The following RPS6KA5 variants were observed in gnomAD, a reference collection of about 807,000 sequenced individuals.
RPS6KA5 encodes ribosomal protein S6 kinase alpha-5.
A neutral mutation model predicts 85.5 loss-of-function variants in RPS6KA5; 27 were observed. That is an observed-to-expected ratio of 0.32 (90% CI 0.23 to 0.44). The LOEUF (loss-of-function observed/expected upper bound fraction) is 0.44, where lower values mean the gene tolerates loss of function less well. Ranked by LOEUF, RPS6KA5 falls within the 20% of genes least tolerant of loss-of-function variation. The probability of loss-of-function intolerance (pLI) is 1.00; values close to 1 mark genes in which losing one functional copy is unlikely to be tolerated. For synonymous variants in RPS6KA5, 334 were observed against 348.2 expected, an observed-to-expected ratio of 0.96 and a Z score of 0.46; for missense variants, 811 against 980.9, an observed-to-expected ratio of 0.83 and a Z score of 2.31.
At chr14:90,972,694 G>C (rs1022574866) in intron 3 of RPS6KA5, among the ~76,000 whole-genome samples, 2 of 152,100 alleles carry the variant, frequency 1.3e-5, no homozygotes, top group African/African-American at 4.8e-5. Context: ...GAGTAGAGGA[G>C]GTCTTCTGAC....
At position 90,950,584 on chromosome 14, in the gene RPS6KA5, C is replaced by T. The variant is rs190432140; in HGVS notation, c.395-3034G>A. On this transcript the variant is annotated intron_variant, in intron 3 of 16. Coordinates refer to ENST00000614987, the MANE Select transcript of RPS6KA5 (RefSeq NM_004755.4). Reference sequence around the variant, plus strand: ...TCACATCCATTCCTACTTTGTTGAGCGTTATTATGAAGGAGTTGAATTTTG... The same window carrying T: ...TCACATCCATTCCTACTTTGTTGAGTGTTATTATGAAGGAGTTGAATTTTG... Among the ~76,000 whole-genome samples, 6 of 152,204 alleles carry T rather than the reference C, an allele frequency of 3.9e-5. No individual in the cohort carries two copies. The East Asian group carries it at 9.7e-4, about 24-fold the overall frequency.
chr14:90,930,915 C>A (rs755932702), intron 5 of RPS6KA5, among the ~76,000 whole-genome samples: 11 of 152,284 alleles, frequency 7.2e-5, no homozygotes, highest in Middle Eastern at 3.4e-3. Context: ...TACGGAGAAC[C>A]TGGAACTTTT....
At chr14:90,890,987 C>T (rs1433119250) in intron 13 of RPS6KA5, among the ~76,000 whole-genome samples, 1 of 152,014 alleles carries the variant, frequency 6.6e-6, no homozygotes, top group Non-Finnish European at 1.5e-5. Context: ...CTACCTCCCC[C>T]CATCTACTCC....
intron 1 of RPS6KA5, among the ~76,000 whole-genome samples, chr14:91,039,570 T>C (rs540154856): frequency 6.6e-6 from 1 of 152,322 alleles, no homozygotes; most frequent in Admixed American, 6.5e-5. Flanking sequence ...ATCAAGGTCC[T>C]TATGTTTCTG....
intron 1 of RPS6KA5, among the ~76,000 whole-genome samples, chr14:91,020,465 T>C (rs1197299432): frequency 6.6e-6 from 1 of 151,680 alleles, no homozygotes; most frequent in Non-Finnish European, 1.5e-5. Context: ...ATAAGGGACT[T>C]GAGCATCCAC....
intron 3 of RPS6KA5, among the ~76,000 whole-genome samples, chr14:90,962,838 G>A (rs2038876529): frequency 6.6e-6 from 1 of 152,038 alleles, no homozygotes; most frequent in African/African-American, 2.4e-5. Context: ...TATTTTTCCT[G>A]AACCAGCTGA....
chr14:91,028,954 C>G (rs1413442159), intron 1 of RPS6KA5, among the ~76,000 whole-genome samples: 3 of 152,114 alleles, frequency 2.0e-5, no homozygotes, highest in East Asian at 1.9e-4. Flanking sequence ...AGTAATATAT[C>G]TGAAGGGGTA....
intron 3 of RPS6KA5, among the ~76,000 whole-genome samples, chr14:90,971,662 AG>A (rs1289085064): frequency 6.6e-6 from 1 of 152,220 alleles, no homozygotes; most frequent in Non-Finnish European, 1.5e-5. Flanking sequence ...TGTGCAAACA[AG>A]GCGAATTTAA....
At chr14:90,930,846 A>G (rs899037559) in intron 5 of RPS6KA5, among the ~76,000 whole-genome samples, 2 of 152,204 alleles carry the variant, frequency 1.3e-5, no homozygotes, top group African/African-American at 2.4e-5. Context: ...TTCACCTTAC[A>G]CTCATTAGGA....
rs2032780395 is a variant in RPS6KA5, at chr14:90,865,817, C to G, written c.*6257G>C. On this transcript the variant is annotated 3_prime_UTR_variant, in exon 17 of 17. Coordinates refer to ENST00000614987, the MANE Select transcript of RPS6KA5 (RefSeq NM_004755.4). ...TAAGTTCCTTTATGTACACAGTAGA[C>G]AAAGCCTTTTAAAGAGATTTGTCCA... The G allele has an allele frequency of 6.6e-6, 1 of 152,132 alleles. No individual in the cohort carries two copies. Among genetic ancestry groups the G allele is most frequent in the East Asian group, 1.9e-4 (1 of 5,190 alleles). The allele number at this position is 152,132 out of a possible 1,614,324, so 9.4% of individuals were successfully genotyped here. A position where few individuals can be genotyped will look rare whatever the true frequency, so the allele number is the denominator to read the frequency against.
chr14:90,967,995 T>C (rs979032829), intron 3 of RPS6KA5, among the ~76,000 whole-genome samples: 2 of 152,190 alleles, frequency 1.3e-5, no homozygotes, highest in African/African-American at 4.8e-5. Context: ...TATAGGAAGT[T>C]ACCACAGACT....
intron 1 of RPS6KA5, among the ~76,000 whole-genome samples, chr14:91,054,174 G>A (rs920214811): frequency 1.3e-5 from 2 of 152,126 alleles, no homozygotes; most frequent in African/African-American, 4.8e-5. Context: ...TACCTCACAT[G>A]ATATCCAGCA....
At chr14:90,907,429 T>C (rs1240698781) in intron 7 of RPS6KA5, among the ~76,000 whole-genome samples, 2 of 152,198 alleles carry the variant, frequency 1.3e-5, no homozygotes, top group Non-Finnish European at 2.9e-5. Flanking sequence ...ATAGGTATTA[T>C]GATGCTTAAA....
At chr14:91,026,950 TC>T (rs1267095693) in intron 1 of RPS6KA5, among the ~76,000 whole-genome samples, 2 of 152,246 alleles carry the variant, frequency 1.3e-5, no homozygotes, top group Admixed American at 6.5e-5. Flanking sequence ...TCATGTGTTT[TC>T]CGCACTTTTT....
intron 1 of RPS6KA5, among the ~76,000 whole-genome samples, chr14:91,008,531 T>A (rs143473161): frequency 3.2e-4 from 48 of 152,248 alleles, no homozygotes; most frequent in Middle Eastern, 3.4e-3. Context: ...GGGCTACGTG[T>A]TAGGTCTTTA....
At chr14:90,875,939 T>G in intron 14 of RPS6KA5, among the ~76,000 whole-genome samples, 1 of 149,226 alleles carries the variant, frequency 6.7e-6, no homozygotes. Flanking sequence ...CATTAGGAGA[T>G]AAACCTAATG....
At chr14:91,009,721 G>T (rs2041177461) in intron 1 of RPS6KA5, among the ~76,000 whole-genome samples, 1 of 152,186 alleles carries the variant, frequency 6.6e-6, no homozygotes, top group Middle Eastern at 3.2e-3. Flanking sequence ...CCCCAAAAGA[G>T]CTTTCATGTA....
intron 2 of RPS6KA5, among the ~76,000 whole-genome samples, chr14:90,987,450 T>C (rs544226103): frequency 6.6e-6 from 1 of 152,202 alleles, no homozygotes; most frequent in East Asian, 1.9e-4. Context: ...AACAAGTATG[T>C]CTCATTTAAT....
At chr14:90,979,782 CTTT>C (rs2039716824) in intron 2 of RPS6KA5, among the ~76,000 whole-genome samples, 1 of 152,224 alleles carries the variant, frequency 6.6e-6, no homozygotes. Flanking sequence ...GAAGCTGGTG[CTTT>C]TAGCAATTCT....
Sources: allele counts gnomAD v4.1 joint callset (sites outside exome capture counted in the v4.1 genomes callset), GRCh38; gene constraint gnomAD v4.1.1; transcripts MANE v1.5; gene names NCBI Gene and HGNC (gene_info 2026-07-23, HGNC 2026-07-21).